The following PHKB variants were observed in gnomAD, a reference collection of about 807,000 sequenced individuals.
The protein encoded by PHKB is phosphorylase kinase regulatory subunit beta, also known as phosphorylase b kinase regulatory subunit beta.
A neutral mutation model predicts 152.1 loss-of-function variants in PHKB; 122 were observed. That is an observed-to-expected ratio of 0.80 (90% CI 0.69 to 0.93). The LOEUF is 0.93. PHKB is among the 40% of genes least tolerant of loss of function. The probability of loss-of-function intolerance (pLI) is 0.00; values close to 1 mark genes in which losing one functional copy is unlikely to be tolerated. For missense variants in PHKB, 1,304 were observed against 1,328.4 expected (o/e 0.98, Z 0.29); for synonymous variants, 436 against 464.9 (o/e 0.94, Z 0.80).
intron 24 of PHKB, chr16:47,664,435 A>G (rs1392576951): frequency 2.2e-5 from 4 of 178,870 alleles, no homozygotes; most frequent in Non-Finnish European, 4.7e-5. Flanking sequence ...CTTAAAAAAA[A>G]AAGTCTCAAG....
chr16:47,636,288 C>T (rs1972918771), intron 14 of PHKB, among the ~76,000 whole-genome samples: 1 of 152,218 alleles, frequency 6.6e-6, no homozygotes, highest in Non-Finnish European at 1.5e-5. Context: ...CAGTGGCAAC[C>T]TGTCTAGGGC....
At chr16:47,554,560 TG>T (rs1215558565) in intron 7 of PHKB, among the ~76,000 whole-genome samples, 1 of 148,256 alleles carries the variant, frequency 6.7e-6, no homozygotes, top group African/African-American at 2.5e-5. Flanking sequence ...GTGCCACTGG[TG>T]TATGAAAAAA....
At chr16:47,611,650 AAT>A (rs1368108036) in intron 14 of PHKB, among the ~76,000 whole-genome samples, 1 of 152,146 alleles carries the variant, frequency 6.6e-6, no homozygotes, top group Admixed American at 6.5e-5. Context: ...TTTAAAAAAA[AAT>A]GTGTATTATA....
rs114756741 is a variant in PHKB, at chr16:47,663,964, C to T, written c.2336+230C>T. 705 of 575,884 alleles carry T rather than the reference C, an allele frequency of 1.2e-3. 4 individuals are homozygous for T. The highest frequency in any genetic ancestry group is 0.012 in the African/African-American group (647 of 53,336). 35.7% of individuals were successfully genotyped at this position (575,884 alleles called of 1,614,324 possible). On this transcript the variant is annotated intron_variant, in intron 24 of 30. Coordinates refer to ENST00000323584, the MANE Select transcript of PHKB (RefSeq NM_000293.3). The stretch of plus-strand genomic sequence containing the variant: ...GTAGGGATTGAACCTGAAGAGTATT[C>T]GCTGGAATGGTATGCTAAGGTTTCT...
chr16:47,582,298 C>A (rs559929404), intron 8 of PHKB, among the ~76,000 whole-genome samples: 1 of 152,102 alleles, frequency 6.6e-6, no homozygotes, highest in South Asian at 2.1e-4. Flanking sequence ...TGTATGCACC[C>A]CTTCCTATTG....
chr16:47,553,664 C>T (rs956877888), intron 7 of PHKB, among the ~76,000 whole-genome samples: 2 of 152,084 alleles, frequency 1.3e-5, no homozygotes, highest in African/African-American at 4.8e-5. Context: ...TCCCCCTGTT[C>T]GTCGATTTAT....
chr16:47,624,458 T>C (rs1194144582), intron 14 of PHKB, among the ~76,000 whole-genome samples: 2 of 152,160 alleles, frequency 1.3e-5, no homozygotes, highest in African/African-American at 2.4e-5. Flanking sequence ...CTCAGAAGGG[T>C]TTATAAAAGT....
In PHKB at chr16:47,649,164, A is replaced by G; in HGVS notation, c.1757A>G (p.Tyr586Cys). ...YPIIFDLSDF[Y>C]MSQDVFLLID... ...ATTATTTTCGACCTAAGTGATTTCT[A>G]CATGTCTCAGGATGTTTTCCTGCTG... Residue 586 changes from tyrosine (Y) to cysteine (C), a missense_variant, in exon 18 of 31, where the codon TAC becomes TGC. Tyr to Cys is a radical substitution (Grantham distance 194, BLOSUM62 -2). Transcript: ENST00000323584. 6.2e-7 allele frequency: 1 copy of G among 1,608,900 alleles called. No individual in the cohort carries two copies. Among genetic ancestry groups the G allele is most frequent in the Non-Finnish European group, 8.5e-7 (1 of 1,175,260 alleles).
chr16:47,630,404 C>T (rs1317457045), intron 14 of PHKB, among the ~76,000 whole-genome samples: 1 of 151,848 alleles, frequency 6.6e-6, no homozygotes, highest in Admixed American at 6.6e-5. Flanking sequence ...ATCACTTGAA[C>T]CTGGGAGGCA....
intron 6 of PHKB, among the ~76,000 whole-genome samples, chr16:47,531,664 A>C (rs1355971428): frequency 1.3e-5 from 2 of 152,198 alleles, no homozygotes; most frequent in African/African-American, 2.4e-5. Context: ...TGGATTCTCT[A>C]CCCACTTTTG....
chr16:47,603,852 A>G (rs893833144), intron 13 of PHKB, among the ~76,000 whole-genome samples: 16 of 152,052 alleles, frequency 1.1e-4, no homozygotes, highest in African/African-American at 3.9e-4. Context: ...GCCTCTTACA[A>G]ACATCATCCT....
At chr16:47,646,589 A>C (rs1444403955) in intron 16 of PHKB, among the ~76,000 whole-genome samples, 1 of 150,456 alleles carries the variant, frequency 6.6e-6, no homozygotes, top group African/African-American at 2.4e-5. Context: ...AAAAAAGGAA[A>C]AAGTTACAGA....
chr16:47,677,154 G>A (rs1973746901), intron 26 of PHKB, among the ~76,000 whole-genome samples: 2 of 152,162 alleles, frequency 1.3e-5, no homozygotes, highest in Admixed American at 6.5e-5. Flanking sequence ...TCATTCTGAG[G>A]TCTTTGCTTT....
intron 26 of PHKB, among the ~76,000 whole-genome samples, chr16:47,679,146 C>A (rs925066922): frequency 6.6e-6 from 1 of 152,126 alleles, no homozygotes; most frequent in African/African-American, 2.4e-5. Flanking sequence ...GTTTTGGTAC[C>A]AGTACCATGC....
chr16:47,510,705 T>A (rs1345995835), intron 4 of PHKB, among the ~76,000 whole-genome samples: 4 of 152,126 alleles, frequency 2.6e-5, no homozygotes, highest in African/African-American at 9.7e-5. Context: ...TTTTTTAAGA[T>A]AGTATTTTAA....
At position 47,605,741 on chromosome 16, in the gene PHKB, G is replaced by A. The variant is rs1310587772; in HGVS notation, c.1364-5085G>A. ...TATTTTTTTTTTCAGAGAGAAAGGA[G>A]AACATTTGTAATATGCAACCTGATT... On this transcript the variant is annotated intron_variant, in intron 13 of 30. Transcript: ENST00000323584. Among the ~76,000 whole-genome samples, 9 of 152,186 alleles carry A rather than the reference G, an allele frequency of 5.9e-5. No individual in the cohort carries two copies. The East Asian group carries it at 1.3e-3, about 23-fold the overall frequency.
intron 6 of PHKB, among the ~76,000 whole-genome samples, chr16:47,521,984 C>A (rs1026489732): frequency 6.6e-6 from 1 of 151,978 alleles, no homozygotes; most frequent in Non-Finnish European, 1.5e-5. Flanking sequence ...AGTATTTTTA[C>A]ATTAATAGTC....
In PHKB at chr16:47,519,740, A is replaced by G. The variant is rs968467579; in HGVS notation, c.594+4139A>G. Among the ~76,000 whole-genome samples the G allele has an allele frequency of 3.9e-5, 6 of 152,318 alleles. No homozygotes were observed. In the South Asian group the frequency reaches 1.0e-3, roughly 26 times the overall value. On this transcript the variant is annotated intron_variant, in intron 6 of 30. Transcript: ENST00000323584. ...TCCCTATTCAGTGTAGGCAGGATTT[A>G]CACAAGGGCTTAGATACTAGGAGTT...
intron 7 of PHKB, among the ~76,000 whole-genome samples, chr16:47,568,059 A>G (rs1971599179): frequency 6.6e-6 from 1 of 152,158 alleles, no homozygotes; most frequent in Admixed American, 6.5e-5. Context: ...ACTTTGTAGA[A>G]TGAGTGAGGG....
Sources: gnomAD v4.1 joint callset for allele counts (sites outside exome capture counted in the v4.1 genomes callset) on GRCh38, gnomAD v4.1.1 for gene constraint, MANE v1.5 for transcripts, NCBI Gene and HGNC (gene_info 2026-07-23, HGNC 2026-07-21) for gene names.